GRIN2B: variants seen among roughly 807,000 people sequenced by gnomAD.
GRIN2B encodes glutamate receptor ionotropic, NMDA 2B.
GRIN2B carries 5 observed loss-of-function variants against 114.5 expected under a neutral mutation model. The observed-to-expected ratio is 0.04, with a 90% CI of 0.02 to 0.09. The LOEUF is 0.09. Ranked by LOEUF, GRIN2B falls within the 10% of genes least tolerant of loss-of-function variation. The pLI, the probability that GRIN2B is intolerant of heterozygous loss-of-function variation, is 1.00. For missense variants in GRIN2B, 1,108 were observed against 1,943.5 expected (o/e 0.57, Z 8.08); for synonymous variants, 787 against 745.1 (o/e 1.06, Z -0.92).
intron 2 of GRIN2B, among the ~76,000 whole-genome samples, chr12:13,956,239 G>A (rs1303366681): frequency 6.6e-6 from 1 of 152,178 alleles, no homozygotes; most frequent in Non-Finnish European, 1.5e-5. Context: ...AAGCAATGCA[G>A]TGGGCAGGAG....
At chr12:13,723,055 G>A (rs2136595035) in intron 4 of GRIN2B, among the ~76,000 whole-genome samples, 1 of 152,176 alleles carries the variant, frequency 6.6e-6, no homozygotes, top group South Asian at 2.1e-4. Flanking sequence ...ACTAGTGAAG[G>A]AACTGCTGGA....
chr12:13,657,618 A>T (rs1489349009), intron 5 of GRIN2B, among the ~76,000 whole-genome samples: 1 of 152,190 alleles, frequency 6.6e-6, no homozygotes, highest in Non-Finnish European at 1.5e-5. Context: ...TACTATCAAT[A>T]CAACACGTTC....
At chr12:13,923,328 GA>G (rs1256154723) in intron 2 of GRIN2B, among the ~76,000 whole-genome samples, 3 of 151,816 alleles carry the variant, frequency 2.0e-5, no homozygotes, top group Non-Finnish European at 2.9e-5. Flanking sequence ...ATTTTTTCTG[GA>G]AAAAAAGAAA....
intron 2 of GRIN2B, among the ~76,000 whole-genome samples, chr12:13,929,502 C>G (rs1347170167): frequency 1.3e-5 from 2 of 152,158 alleles, no homozygotes; most frequent in Non-Finnish European, 2.9e-5. Flanking sequence ...GCAGGTCTTA[C>G]GTTATGCTAA....
intron 3 of GRIN2B, among the ~76,000 whole-genome samples, chr12:13,858,642 A>T (rs1465819787): frequency 2.6e-5 from 4 of 152,086 alleles, no homozygotes; most frequent in African/African-American, 9.7e-5. Flanking sequence ...TAGTACCACG[A>T]ATATTTTCTT....
rs117729907 is a variant in GRIN2B at position 13,737,184 on chromosome 12, G to A, written c.1010+16133C>T. Among the ~76,000 whole-genome samples the A allele has an allele frequency of 4.1e-3, 624 of 152,128 alleles. 1 individual carries two copies. The highest frequency in any genetic ancestry group is 6.9e-3 in the Non-Finnish European group (469 of 68,002). On this transcript the variant is annotated intron_variant, in intron 4 of 13. Coordinates refer to ENST00000609686, the MANE Select transcript of GRIN2B (RefSeq NM_000834.5). ...TCCCTCATATTACACTTATGGGGAAGAGACTCCAGAAAGCTCATATAATAT... is the reference window on the plus strand; with the variant it reads ...TCCCTCATATTACACTTATGGGGAAAAGACTCCAGAAAGCTCATATAATAT...
chr12:13,848,800 G>T (rs1276330745), intron 3 of GRIN2B, among the ~76,000 whole-genome samples: 1 of 152,192 alleles, frequency 6.6e-6, no homozygotes, highest in Non-Finnish European at 1.5e-5. Context: ...ACACCAACGT[G>T]AGAGAAAGTG....
chr12:13,805,465 CA>C (rs1441240587), intron 3 of GRIN2B, among the ~76,000 whole-genome samples: 1 of 152,076 alleles, frequency 6.6e-6, no homozygotes, highest in Non-Finnish European at 1.5e-5. Flanking sequence ...GTGCTAACTA[CA>C]GCACAAGAAA....
At chr12:13,731,588 G>A (rs1863087245) in intron 4 of GRIN2B, among the ~76,000 whole-genome samples, 1 of 152,098 alleles carries the variant, frequency 6.6e-6, no homozygotes, top group Non-Finnish European at 1.5e-5. Context: ...GTGACAGAGT[G>A]AGACTCCATC....
At chr12:13,644,501 G>A (rs535446805) in intron 5 of GRIN2B, among the ~76,000 whole-genome samples, 24 of 152,238 alleles carry the variant, frequency 1.6e-4, no homozygotes, top group Admixed American at 9.8e-4. Context: ...AGAGGTCAGT[G>A]AGCACTGGCT....
At chr12:13,667,569 A>T (rs981646361) in intron 5 of GRIN2B, among the ~76,000 whole-genome samples, 25 of 152,184 alleles carry the variant, frequency 1.6e-4, no homozygotes, top group African/African-American at 6.0e-4. Flanking sequence ...TGAATGTCTA[A>T]TCATAGGGAA....
At chr12:13,785,539 TTTA>T (rs1236822919) in intron 3 of GRIN2B, among the ~76,000 whole-genome samples, 1 of 152,200 alleles carries the variant, frequency 6.6e-6, no homozygotes, top group Non-Finnish European at 1.5e-5. Flanking sequence ...CCTTCATATT[TTTA>T]TTCAGCTTGT....
At chr12:13,808,251 C>G (rs1197103757) in intron 3 of GRIN2B, among the ~76,000 whole-genome samples, 7 of 152,076 alleles carry the variant, frequency 4.6e-5, no homozygotes, top group Admixed American at 4.6e-4. Context: ...TGTTCTAAAT[C>G]TCAGAGCTTC....
chr12:13,870,923 A>G (rs563316028), intron 2 of GRIN2B, among the ~76,000 whole-genome samples: 5 of 152,348 alleles, frequency 3.3e-5, no homozygotes, highest in African/African-American at 4.8e-5. Flanking sequence ...TCAAAGTGGT[A>G]GTATCTATCG....
rs1236124413 is a variant in GRIN2B, at chr12:13,546,053, T to C, written c.*16730A>G. Reference sequence around the variant, plus strand: ...TGATTTCACTGGAGATGGGAAGATATAATTTTATTTAACAGATTTTCTCTC... The same window carrying C: ...TGATTTCACTGGAGATGGGAAGATACAATTTTATTTAACAGATTTTCTCTC... On this transcript the variant is annotated 3_prime_UTR_variant, in exon 14 of 14. Coordinates refer to ENST00000609686, the MANE Select transcript of GRIN2B (RefSeq NM_000834.5). 6.6e-6 allele frequency: 1 copy of C among 152,204 alleles called. No individual in the cohort carries two copies. 9.4% of individuals were successfully genotyped at this position (152,204 alleles called of 1,614,324 possible).
At chr12:13,839,834 G>A (rs1020168680) in intron 3 of GRIN2B, among the ~76,000 whole-genome samples, 3 of 152,150 alleles carry the variant, frequency 2.0e-5, no homozygotes, top group Admixed American at 1.3e-4. Flanking sequence ...AGCTTCTTTA[G>A]TGACTCATAA....
intron 3 of GRIN2B, among the ~76,000 whole-genome samples, chr12:13,821,399 T>G (rs1229080508): frequency 6.6e-6 from 1 of 152,192 alleles, no homozygotes; most frequent in African/African-American, 2.4e-5. Flanking sequence ...AACTGTGAAA[T>G]GCATCCCTCA....
intron 12 of GRIN2B, 110 bp downstream of exon 12, chr12:13,569,720 T>A (rs1948683299): frequency 1.4e-6 from 1 of 737,546 alleles, no homozygotes; most frequent in African/African-American, 1.8e-5. Flanking sequence ...TACTGTGAAA[T>A]GCTTTTCCGG....
chr12:13,622,321 G>A (rs958831211), intron 5 of GRIN2B, among the ~76,000 whole-genome samples: 1 of 152,152 alleles, frequency 6.6e-6, no homozygotes, highest in Non-Finnish European at 1.5e-5. Flanking sequence ...CCCTGAGCAA[G>A]CTAAAGGAAG....
Sources: gnomAD v4.1 joint callset for allele counts (sites outside exome capture counted in the v4.1 genomes callset) on GRCh38, gnomAD v4.1.1 for gene constraint, MANE v1.5 for transcripts, NCBI Gene and HGNC (gene_info 2026-07-23, HGNC 2026-07-21) for gene names.